IZUMO4: variants seen among roughly 807,000 people sequenced by gnomAD.
IZUMO4 encodes IZUMO family member 4.
A neutral mutation model predicts 37.1 loss-of-function variants in IZUMO4; 51 were observed. The ratio of observed to expected loss-of-function variants is 1.38; its 90% CI spans 1.10 to 1.74. IZUMO4 has a LOEUF of 1.74. Ranked by LOEUF, IZUMO4 falls within the 40% of genes most tolerant of loss-of-function variation. The pLI, the probability that IZUMO4 is intolerant of heterozygous loss-of-function variation, is 0.00. For synonymous variants in IZUMO4, 162 were observed against 121.4 expected (o/e 1.33, Z -2.20); for missense variants, 364 against 299.6 (o/e 1.21, Z -1.59).
intron 8 of IZUMO4, 68 bp downstream of exon 8, chr19:2,098,872 C>T: frequency 2.5e-6 from 4 of 1,578,248 alleles, no homozygotes; most frequent in East Asian, 2.2e-5. Context: ...GCTAGGGGGT[C>T]CTCTAGATCA....
At position 2,099,022 on chromosome 19, in the gene IZUMO4, C is replaced by T. The variant is rs1371760215; in HGVS notation, c.601C>T (p.Pro201Ser). ...FSWPGTHRAT[P>S]AFLVSPALRC... The stretch of plus-strand genomic sequence containing the variant: ...CTGGCCTGGGACACACAGAGCCACC[C>T]CGGCCTTGTGAGTGACCCAGAGAAG... Residue 201 changes from proline to serine, a missense_variant, in exon 9 of 10, where the codon CCG becomes TCG. Coordinates refer to ENST00000395301, the MANE Select transcript of IZUMO4 (RefSeq NM_001039846.2). The T allele has an allele frequency of 6.2e-7, 1 of 1,613,052 alleles. No homozygotes were observed.
At chr19:2,098,896 A>G (rs1160352575) in intron 8 of IZUMO4, 80 bp from the exon 9 acceptor site, 9 of 1,576,698 alleles carry the variant, frequency 5.7e-6, no homozygotes, top group Non-Finnish European at 7.8e-6. Flanking sequence ...GGGGCACTGC[A>G]GGTGGGGCTC....
chr19:2,097,656 T>A, intron 3 of IZUMO4, 161 bp downstream of exon 3: 1 of 752,594 alleles, frequency 1.3e-6, no homozygotes, highest in Non-Finnish European at 2.3e-6. Flanking sequence ...ACCTGAAGGA[T>A]CAATGCCATC....
At chr19:2,097,978 T>G in intron 4 of IZUMO4, 23 bp downstream of exon 4, 1 of 1,613,198 alleles carries the variant, frequency 6.2e-7, no homozygotes, top group Non-Finnish European at 8.5e-7. Flanking sequence ...CCGTCCAGGC[T>G]GAGGGGCGTG....
chr19:2,097,177 C>G lies in IZUMO4; in HGVS notation c.217+15C>G. 1 of 1,606,078 alleles carries G rather than the reference C, an allele frequency of 6.2e-7. No individual in the cohort carries two copies. On this transcript the variant is annotated intron_variant, in intron 1 of 9. Transcript: ENST00000395301. ...CGCCAAGATCAGTGAGTGCCGGAGC[C>G]CAGCCCAGTCCCGACTACCCCGCCA...
rs1435866315 is a variant in IZUMO4, at chr19:2,098,913, T to C, written c.555-63T>C. The C allele has an allele frequency of 3.8e-6, 6 of 1,588,618 alleles. 1 individual carries two copies. In the African/African-American group the frequency reaches 4.0e-5, roughly 11 times the overall value. Reference sequence around the variant, plus strand: ...GGCACTGCAGGTGGGGCTCTCCCTATACCTGGGACACCTGCTGGATGTCAC... The same window carrying C: ...GGCACTGCAGGTGGGGCTCTCCCTACACCTGGGACACCTGCTGGATGTCAC... On this transcript the variant is annotated intron_variant, in intron 8 of 9. Coordinates refer to ENST00000395301, the MANE Select transcript of IZUMO4 (RefSeq NM_001039846.2).
chr19:2,098,681 G>A, intron 7 of IZUMO4, 106 bp from the exon 8 acceptor site: 2 of 1,568,950 alleles, frequency 1.3e-6, no homozygotes, highest in South Asian at 2.4e-5. Context: ...TCCCCATAGG[G>A]TCTGGTTCCA....
rs374117019 is a variant in IZUMO4 at position 2,098,143 on chromosome 19, C to T, written c.473+16C>T. 65 of 1,613,048 alleles carry T rather than the reference C, an allele frequency of 4.0e-5. No homozygotes were observed. The East Asian group carries it at 6.7e-4, about 17-fold the overall frequency. On this transcript the variant is annotated intron_variant, in intron 5 of 9. Coordinates refer to ENST00000395301, the MANE Select transcript of IZUMO4 (RefSeq NM_001039846.2). ...ATAACTGCGAGTAGGGCTCAGGCAT[C>T]ACACCCACCCGTGCCAGGGCCCTAC...
At position 2,098,425 on chromosome 19, in the gene IZUMO4, T is replaced by C; in HGVS notation, c.522-11T>C. 2 of 1,613,892 alleles carry C rather than the reference T, an allele frequency of 1.2e-6. No individual in the cohort carries two copies. Among genetic ancestry groups the C allele is most frequent in the Non-Finnish European group, 1.7e-6 (2 of 1,179,974 alleles). ...CTCGGCCTCCTGAGTCCAAACCCACTGTCTTTGTAGAAATAACTGGCACAA... is the reference window on the plus strand; with the variant it reads ...CTCGGCCTCCTGAGTCCAAACCCACCGTCTTTGTAGAAATAACTGGCACAA... On this transcript the variant is annotated splice_polypyrimidine_tract_variant and intron_variant, in intron 6 of 9. Transcript: ENST00000395301.
Position 2,097,952 on chromosome 19 carries a change from T to C in IZUMO4, c.394T>C (p.Cys132Arg). ...IESRIDCQHR[C>R]GIFQYETISC... ...AGGCCGCATCGACTGTCAGCACCGC[T>C]GTGGTAAGCAAGGCTCCGTCCAGGC... Residue 132 changes from cysteine to arginine, a missense_variant, in exon 4 of 10, where the codon TGT becomes CGT. By Grantham distance (180) the Cys-to-Arg change is radical. Coordinates refer to ENST00000395301, the MANE Select transcript of IZUMO4 (RefSeq NM_001039846.2). The C allele has an allele frequency of 1.2e-6, 2 of 1,613,158 alleles. No homozygotes were observed. Among genetic ancestry groups the C allele is most frequent in the Non-Finnish European group, 1.7e-6 (2 of 1,179,964 alleles).
intron 8 of IZUMO4, 32 bp from the exon 9 acceptor site, chr19:2,098,944 C>T: frequency 6.2e-7 from 1 of 1,609,828 alleles, no homozygotes; most frequent in Non-Finnish European, 8.5e-7. Flanking sequence ...GTCACCTCTG[C>T]AACCACACCC....
chr19:2,097,412 TCGA>T lies in IZUMO4; in HGVS notation c.299-7_299-5del, dbSNP rs750313024. 1.2e-5 allele frequency: 19 copies of T among 1,528,406 alleles called. No homozygotes were observed. The Admixed American group carries it at 1.4e-4, about 11-fold the overall frequency. 94.7% of individuals were successfully genotyped at this position (1,528,406 alleles called of 1,614,324 possible). A position where few individuals can be genotyped will look rare whatever the true frequency, so the allele number is the denominator to read the frequency against. On this transcript the variant is annotated splice_polypyrimidine_tract_variant and intron_variant, in intron 2 of 9. Transcript: ENST00000395301. ...CGCCTGAGCCTGACCTTCTCCTGCC[TCGA>T]CGACTCAGGGTATTTCCCCAACGAG... is the stretch of plus-strand genomic sequence containing the variant.
chr19:2,098,058 T>G lies in IZUMO4; in HGVS notation c.404T>G (p.Phe135Cys), dbSNP rs538635017. Residue 135 changes from phenylalanine to cysteine, a missense_variant, in exon 5 of 10, where the codon TTC (phenylalanine) becomes TGC (cysteine). Transcript: ENST00000395301. ...GCTCTTGTACGTGTTTCAGGCATCT[T>G]CCAGTACGAGACCATCTCCTGCAAC... is the stretch of plus-strand genomic sequence containing the variant. The part of the protein sequence containing the change: ...RIDCQHRCGI[F>C]QYETISCNNC... The G allele has an allele frequency of 6.2e-7, 1 of 1,613,354 alleles. No homozygotes were observed. Among genetic ancestry groups the G allele is most frequent in the South Asian group, 1.1e-5 (1 of 91,084 alleles).
Position 2,099,257 on chromosome 19 carries a change from T to C in IZUMO4, c.611T>C (p.Leu204Pro). ...GAGGCAGCCTCGTCTCCCCGCAGCC[T>C]GGTATCGCCAGCCTTAAGGTGTCTG... The part of the protein sequence containing the change: ...PGTHRATPAF[L>P]VSPALRCLEP... The change falls in exon 10 of 10, where the codon CTG (leucine) becomes CCG (proline). Residue 204 changes from leucine to proline, a missense_variant and splice_region_variant. Coordinates refer to ENST00000395301, the MANE Select transcript of IZUMO4 (RefSeq NM_001039846.2). 1.9e-6 allele frequency: 3 copies of C among 1,613,004 alleles called. No individual in the cohort carries two copies. Among genetic ancestry groups the C allele is most frequent in the Non-Finnish European group, 2.5e-6 (3 of 1,179,568 alleles).
In IZUMO4 at chr19:2,098,295, CG is replaced by C. The variant is rs2017778933; in HGVS notation, c.483del (p.Gln162SerfsTer10). The C allele has an allele frequency of 1.9e-6, 3 of 1,613,740 alleles. No individual in the cohort carries two copies. The highest frequency in any genetic ancestry group is 2.5e-6 in the Non-Finnish European group (3 of 1,180,024). On this transcript the variant is annotated frameshift_variant, in exon 6 of 10. Coordinates refer to ENST00000395301, the MANE Select transcript of IZUMO4 (RefSeq NM_001039846.2). LOFTEE classifies it high-confidence loss of function. Reference protein sequence around the residue: ...ACFGYNCESSAQWKSAVQGLL... With the variant: ...ACFGYNCESSXQWKSAVQGLL... Reference sequence around the variant, plus strand: ...AAGCCTGTGTCCCACAGGTCCTCGGCGCAGTGGAAGTCAGCTGTCCAGGGCC... The same window carrying C: ...AAGCCTGTGTCCCACAGGTCCTCGGCCAGTGGAAGTCAGCTGTCCAGGGCC...
At position 2,098,299 on chromosome 19, in the gene IZUMO4, G is replaced by C. The variant is rs764249689; in HGVS notation, c.486G>C (p.Gln162His). The change falls in exon 6 of 10, where the codon CAG becomes CAC. Residue 162 changes from glutamine to histidine, a missense_variant. By Grantham distance (24) the Gln-to-His change is conservative. Coordinates refer to ENST00000395301, the MANE Select transcript of IZUMO4 (RefSeq NM_001039846.2). The stretch of plus-strand genomic sequence containing the variant: ...CTGTGTCCCACAGGTCCTCGGCGCA[G>C]TGGAAGTCAGCTGTCCAGGGCCTCC... ...CFGYNCESSAQWKSAVQGLLN... is the reference protein window; with the variant it reads ...CFGYNCESSAHWKSAVQGLLN... The C allele has an allele frequency of 2.5e-6, 4 of 1,613,954 alleles. No individual in the cohort carries two copies. The East Asian group carries it at 6.7e-5, about 27-fold the overall frequency.
intron 9 of IZUMO4, 75 bp from the exon 10 acceptor site, chr19:2,099,180 G>C (rs1048251416): frequency 2.1e-6 from 3 of 1,431,388 alleles, no homozygotes; most frequent in Non-Finnish European, 3.0e-6. Context: ...GCTGGGAGGA[G>C]AGGCCTGGGG....
chr19:2,098,151 C>G lies in IZUMO4; in HGVS notation c.473+24C>G, dbSNP rs758610048. The G allele has an allele frequency of 1.7e-5, 27 of 1,612,562 alleles. 1 individual carries two copies. In the Admixed American group the frequency reaches 4.2e-4, roughly 25 times the overall value. On this transcript the variant is annotated intron_variant, in intron 5 of 9. Coordinates refer to ENST00000395301, the MANE Select transcript of IZUMO4 (RefSeq NM_001039846.2). The stretch of plus-strand genomic sequence containing the variant: ...GAGTAGGGCTCAGGCATCACACCCA[C>G]CCGTGCCAGGGCCCTACTGTCCCTG...
chr19:2,099,170 G>C, intron 9 of IZUMO4, 85 bp from the exon 10 acceptor site: 1 of 1,409,910 alleles, frequency 7.1e-7, no homozygotes, highest in South Asian at 1.2e-5. Context: ...ACACGTCCCA[G>C]CTGGGAGGAG....
Sources: gnomAD v4.1 joint callset for allele counts on GRCh38, gnomAD v4.1.1 for gene constraint, MANE v1.5 for transcripts, NCBI Gene and HGNC (gene_info 2026-07-23, HGNC 2026-07-21) for gene names.